The following CHN1 variants were observed in gnomAD, a reference collection of about 807,000 sequenced individuals.
CHN1 encodes the protein chimerin 1.
CHN1 carries 37 observed loss-of-function variants against 59.5 expected under a neutral mutation model. The ratio of observed to expected loss-of-function variants is 0.62; its 90% CI spans 0.48 to 0.82. The LOEUF (loss-of-function observed/expected upper bound fraction) is 0.82. Among genes scored for constraint, CHN1 ranks in the 40% least tolerant of loss-of-function variants. The pLI, the probability that CHN1 is intolerant of heterozygous loss-of-function variation, is 0.00. For missense variants in CHN1, 469 were observed against 571.0 expected, an observed-to-expected ratio of 0.82 and a Z score of 1.82; for synonymous variants, 206 against 200.4, an observed-to-expected ratio of 1.03 and a Z score of -0.24.
At chr2:174,905,564 A>AT (rs1688519968) in intron 5 of CHN1, among the ~76,000 whole-genome samples, 2 of 151,948 alleles carry the variant, frequency 1.3e-5, no homozygotes, top group African/African-American at 4.8e-5. Context: ...GATAAAAAAA[A>AT]ATTTTTTTTT....
intron 2 of CHN1, among the ~76,000 whole-genome samples, chr2:174,948,706 T>G (rs1689923664): frequency 6.6e-6 from 1 of 152,222 alleles, no homozygotes; most frequent in South Asian, 2.1e-4. Context: ...TAAATCATCT[T>G]GTTTACTTTT....
intron 1 of CHN1, among the ~76,000 whole-genome samples, chr2:174,964,408 A>G (rs970081528): frequency 1.3e-5 from 2 of 152,240 alleles, no homozygotes; most frequent in African/African-American, 4.8e-5. Context: ...ACAGAGAACT[A>G]TTAAAAACAA....
intron 5 of CHN1, among the ~76,000 whole-genome samples, chr2:174,904,788 A>G (rs549179791): frequency 8.5e-5 from 13 of 152,230 alleles, no homozygotes; most frequent in Non-Finnish European, 1.6e-4. Flanking sequence ...GGGGAAAAAT[A>G]GTATCTACCA....
At chr2:174,804,777 G>A (rs1684836722) in intron 11 of CHN1, among the ~76,000 whole-genome samples, 1 of 152,206 alleles carries the variant, frequency 6.6e-6, no homozygotes, top group Admixed American at 6.5e-5. Context: ...GAGGTTTGGT[G>A]GAGAAAAGTT....
chr2:174,800,566 C>T (rs1258166355), intron 12 of CHN1, among the ~76,000 whole-genome samples: 10 of 152,212 alleles, frequency 6.6e-5, no homozygotes, highest in Non-Finnish European at 1.5e-4. Context: ...TGCCACAGCC[C>T]ACCTACAGCC....
At position 175,000,107 on chromosome 2, in the gene CHN1, A is replaced by T. The variant is rs116973708; in HGVS notation, c.19+4787T>A. Reference sequence around the variant, plus strand: ...CAAACTTTAAAGCTAAAATATTAGAACCACAGGCATGCATCACCACACCTG... The same window carrying T: ...CAAACTTTAAAGCTAAAATATTAGATCCACAGGCATGCATCACCACACCTG... On this transcript the variant is annotated intron_variant, in intron 1 of 12. Coordinates refer to ENST00000409900, the MANE Select transcript of CHN1 (RefSeq NM_001822.7). Among the ~76,000 whole-genome samples, 136 of 151,690 alleles carry T rather than the reference A, an allele frequency of 9.0e-4. 5 individuals are homozygous for T. In the East Asian group the frequency reaches 0.025, roughly 28 times the overall value.
At chr2:174,879,798 T>TAA (rs1484625031) in intron 5 of CHN1, among the ~76,000 whole-genome samples, 1 of 152,186 alleles carries the variant, frequency 6.6e-6, no homozygotes, top group Non-Finnish European at 1.5e-5. Flanking sequence ...TGCTGGGACT[T>TAA]ACGATTTTAC....
chr2:174,806,421 A>C (rs1435447255), intron 11 of CHN1, among the ~76,000 whole-genome samples: 1 of 152,226 alleles, frequency 6.6e-6, no homozygotes, highest in Admixed American at 6.5e-5. Context: ...AGACATTTTT[A>C]GGAGCTGAGA....
intron 1 of CHN1, among the ~76,000 whole-genome samples, chr2:174,952,910 G>A (rs1041495962): frequency 3.3e-5 from 5 of 152,270 alleles, no homozygotes; most frequent in South Asian, 2.1e-4. Context: ...AACACATGAC[G>A]GACGTGGAGT....
intron 3 of CHN1, among the ~76,000 whole-genome samples, chr2:174,934,642 C>T (rs1317956346): frequency 2.0e-5 from 3 of 152,104 alleles, no homozygotes; most frequent in African/African-American, 2.4e-5. Context: ...TCAGAAATTC[C>T]GAAATATTTC....
intron 3 of CHN1, among the ~76,000 whole-genome samples, chr2:174,935,105 T>G (rs1689457986): frequency 6.6e-6 from 1 of 152,234 alleles, no homozygotes; most frequent in Non-Finnish European, 1.5e-5. Context: ...AATGCCTGGT[T>G]AGCTTTCCGG....
chr2:174,845,453 G>A (rs1026501711), intron 7 of CHN1, among the ~76,000 whole-genome samples: 1 of 152,062 alleles, frequency 6.6e-6, no homozygotes, highest in African/African-American at 2.4e-5. Flanking sequence ...CTGAGGCCTA[G>A]AAGCCTGAAT....
chr2:174,989,719 G>A (rs975039321), intron 1 of CHN1, among the ~76,000 whole-genome samples: 1 of 151,916 alleles, frequency 6.6e-6, no homozygotes, highest in Non-Finnish European at 1.5e-5. Flanking sequence ...GAGCCCAGGA[G>A]GTCAAGGCTG....
At chr2:174,978,378 G>A (rs1484563854) in intron 1 of CHN1, among the ~76,000 whole-genome samples, 2 of 152,214 alleles carry the variant, frequency 1.3e-5, no homozygotes, top group East Asian at 3.8e-4. Flanking sequence ...GGATCTGCTA[G>A]ATAATTTGCA....
intron 7 of CHN1, among the ~76,000 whole-genome samples, chr2:174,831,081 T>C (rs1473857278): frequency 6.6e-6 from 1 of 152,176 alleles, no homozygotes; most frequent in African/African-American, 2.4e-5. Context: ...ACAATATGAC[T>C]ATTAGGACAG....
chr2:174,924,829 T>A (rs1004780978), intron 3 of CHN1, among the ~76,000 whole-genome samples: 2 of 150,748 alleles, frequency 1.3e-5, no homozygotes, highest in African/African-American at 5.0e-5. Flanking sequence ...TTTATATGCT[T>A]CTTTCTAAGT....
chr2:174,955,916 A>G (rs1690189141), intron 1 of CHN1, among the ~76,000 whole-genome samples: 1 of 152,288 alleles, frequency 6.6e-6, no homozygotes, highest in South Asian at 2.1e-4. Context: ...GGGGTGAGTT[A>G]AACTACCTAT....
At chr2:174,845,318 C>T (rs1335383632) in intron 7 of CHN1, among the ~76,000 whole-genome samples, 1 of 152,098 alleles carries the variant, frequency 6.6e-6, no homozygotes, top group Admixed American at 6.5e-5. Context: ...CATACAATTT[C>T]CTCTTTATTA....
intron 6 of CHN1, among the ~76,000 whole-genome samples, chr2:174,877,170 G>C (rs774328806): frequency 6.6e-6 from 1 of 151,972 alleles, no homozygotes; most frequent in Non-Finnish European, 1.5e-5. Context: ...TTAATGCCAA[G>C]AAATTAAAAC....
Sources: allele counts gnomAD v4.1 joint callset (sites outside exome capture counted in the v4.1 genomes callset), GRCh38; gene constraint gnomAD v4.1.1; transcripts MANE v1.5; gene names NCBI Gene and HGNC (gene_info 2026-07-23, HGNC 2026-07-21).